ENOX2: variants seen among roughly 807,000 people sequenced by gnomAD.
The protein encoded by ENOX2 is APK1 antigen.
In ENOX2, 36 loss-of-function variants were observed where a neutral mutation model predicts 45.0. The observed-to-expected ratio is 0.80, with a 90% CI of 0.61 to 1.06. The LOEUF (loss-of-function observed/expected upper bound fraction) is 1.06, where lower values mean the gene tolerates loss of function less well. ENOX2 is among the 50% of genes least tolerant of loss of function. The pLI is 0.00. For missense variants in ENOX2, 423 were observed against 462.5 expected, an observed-to-expected ratio of 0.91 and a Z score of 0.78; for synonymous variants, 174 against 152.3, an observed-to-expected ratio of 1.14 and a Z score of -1.05.
rs2016900 is a variant in ENOX2 at position 130,740,270 on chromosome X, G to A, written c.-38-37016C>T. ...ATAAAAAACAGCTGGGCAAGGTGAC[G>A]CACACCTGTAATCCCAGCTACTCGG... On this transcript the variant is annotated intron_variant, in intron 3 of 14. Transcript: ENST00000394363. 2.0e-3 allele frequency among the ~76,000 whole-genome samples: 227 copies of A among 110,809 alleles called. 2 individuals carry two copies. The highest frequency in any genetic ancestry group is 0.01 in the East Asian group (36 of 3,511).
intron 10 of ENOX2, among the ~76,000 whole-genome samples, chrX:130,647,747 T>C (rs2036276791): frequency 9.0e-6 from 1 of 111,478 alleles, no homozygotes; most frequent in South Asian, 3.8e-4. Context: ...GCTAGTTCTA[T>C]GGTCAGAATT....
At chrX:130,692,494 A>G (rs1405261625) in intron 4 of ENOX2, among the ~76,000 whole-genome samples, 2 of 112,338 alleles carry the variant, frequency 1.8e-5, no homozygotes, top group African/African-American at 6.5e-5. Flanking sequence ...CGTCTCTTCT[A>G]ACACCATTTC....
chrX:130,785,940 G>A (rs756363214), intron 2 of ENOX2, among the ~76,000 whole-genome samples: 6 of 112,656 alleles, frequency 5.3e-5, no homozygotes, highest in Non-Finnish European at 1.1e-4. Context: ...GTAAAAGAGA[G>A]TGATAACACA....
intron 2 of ENOX2, among the ~76,000 whole-genome samples, chrX:130,807,613 T>C (rs907835413): frequency 8.9e-6 from 1 of 111,829 alleles, no homozygotes; most frequent in African/African-American, 3.2e-5. Flanking sequence ...ATTCTCTCTA[T>C]AGGTGCCATC....
chrX:130,667,642 C>A lies in ENOX2; in HGVS notation c.795G>T (p.Gln265His). The change falls in exon 8 of 15, where the codon CAG becomes CAT. Residue 265 changes from glutamine (Q) to histidine (H), a missense_variant. By Grantham distance (24) the Gln-to-His change is conservative. Transcript: ENST00000394363. ...RSANNFYSMI[Q>H]SANSHVRRLV... ...GGCGGCGGACATGGCTGTTGGCCGA[C>A]TGGATCATGGAGTAGAAGTTATTGG... 5.0e-6 allele frequency: 6 copies of A among 1,211,474 alleles called. No individual in the cohort carries two copies. The highest frequency in any genetic ancestry group is 5.6e-6 in the Non-Finnish European group (5 of 895,014).
rs138104463 is a variant in ENOX2 at position 130,868,092 on chromosome X, A to T, written c.-183+33592T>A. Among the ~76,000 whole-genome samples, 28 of 111,857 alleles carry T rather than the reference A, an allele frequency of 2.5e-4. No individual in the cohort carries two copies. The East Asian group carries it at 7.8e-3, about 31-fold the overall frequency. On this transcript the variant is annotated intron_variant, in intron 2 of 14. Transcript: ENST00000394363. ...CTTTTTTTCTTAACTGTGAGTGTGC[A>T]GCAGTAAAGAATACAATTACTTGGA... is the stretch of plus-strand genomic sequence containing the variant.
intron 6 of ENOX2, 107 bp downstream of exon 6, chrX:130,679,435 G>A (rs1010290758): frequency 3.6e-5 from 22 of 610,131 alleles, no homozygotes; most frequent in Admixed American, 3.6e-4. Flanking sequence ...CTGAAGGCAA[G>A]AGCAGGTAAT....
intron 4 of ENOX2, among the ~76,000 whole-genome samples, chrX:130,691,549 C>T (rs1269395382): frequency 2.7e-5 from 3 of 112,055 alleles, no homozygotes; most frequent in African/African-American, 6.5e-5. Context: ...TTTATGTCTT[C>T]GGAAAATTTG....
chrX:130,663,174 A>T (rs1440001605), intron 9 of ENOX2, among the ~76,000 whole-genome samples: 1 of 112,494 alleles, frequency 8.9e-6, no homozygotes, highest in Non-Finnish European at 1.9e-5. Flanking sequence ...TCAACCTAAT[A>T]ACTACACAGA....
At chrX:130,817,636 T>C (rs1015990713) in intron 2 of ENOX2, among the ~76,000 whole-genome samples, 4 of 112,033 alleles carry the variant, frequency 3.6e-5, no homozygotes, top group Non-Finnish European at 7.5e-5. Flanking sequence ...ATAAATGTAA[T>C]CCATCACATA....
At chrX:130,759,787 T>C (rs1178546655) in intron 3 of ENOX2, among the ~76,000 whole-genome samples, 2 of 109,757 alleles carry the variant, frequency 1.8e-5, no homozygotes, top group Non-Finnish European at 3.8e-5. Flanking sequence ...TTAGCTCTTA[T>C]AGGACTTGTG....
At chrX:130,730,175 C>G (rs2038703587) in intron 3 of ENOX2, among the ~76,000 whole-genome samples, 1 of 112,236 alleles carries the variant, frequency 8.9e-6, no homozygotes, top group South Asian at 3.7e-4. Flanking sequence ...TGTATATACA[C>G]AGAGGGATCA....
chrX:130,849,759 G>T (rs1262808359), intron 2 of ENOX2, among the ~76,000 whole-genome samples: 2 of 111,743 alleles, frequency 1.8e-5, no homozygotes, highest in Admixed American at 1.9e-4. Flanking sequence ...ACCTTTTTAG[G>T]CCTATCTTAT....
intron 2 of ENOX2, among the ~76,000 whole-genome samples, chrX:130,891,490 G>GTTTT (rs140444679): frequency 2.2e-5 from 1 of 44,567 alleles, no homozygotes; most frequent in Non-Finnish European, 3.7e-5. Flanking sequence ...ACACTATATG[G>GTTTT]TTTTTTTTTT....
intron 3 of ENOX2, among the ~76,000 whole-genome samples, chrX:130,761,919 T>C (rs1224388497): frequency 9.0e-6 from 1 of 111,673 alleles, no homozygotes; most frequent in Non-Finnish European, 1.9e-5. Flanking sequence ...TTTGTACTGA[T>C]AGCCTCTGTT....
intron 3 of ENOX2, among the ~76,000 whole-genome samples, chrX:130,782,349 A>G (rs1275927717): frequency 1.8e-5 from 2 of 111,678 alleles, no homozygotes; most frequent in East Asian, 5.6e-4. Flanking sequence ...TTACAGCTGA[A>G]GAAAGTGACT....
chrX:130,841,746 C>T (rs1169021819), intron 2 of ENOX2, among the ~76,000 whole-genome samples: 1 of 112,062 alleles, frequency 8.9e-6, no homozygotes, highest in Admixed American at 9.5e-5. Flanking sequence ...AAAGCAGGGC[C>T]TTCTATGGGA....
chrX:130,667,757 T>C lies in ENOX2; in HGVS notation c.695-15A>G. The C allele has an allele frequency of 2.6e-6, 3 of 1,154,685 alleles. No homozygotes were observed. Among genetic ancestry groups the C allele is most frequent in the Non-Finnish European group, 3.5e-6 (3 of 849,174 alleles). ...TTTGGAATCATCTGAAAAAAATATATTTTTATAACCAACAAAGGTAACCAA... is the reference window on the plus strand; with the variant it reads ...TTTGGAATCATCTGAAAAAAATATACTTTTATAACCAACAAAGGTAACCAA... On this transcript the variant is annotated splice_polypyrimidine_tract_variant and intron_variant, in intron 7 of 14. Transcript: ENST00000394363.
intron 3 of ENOX2, among the ~76,000 whole-genome samples, chrX:130,769,922 T>C (rs2039700065): frequency 8.9e-6 from 1 of 112,231 alleles, no homozygotes; most frequent in Admixed American, 9.4e-5. Context: ...TGGATAGAAA[T>C]TTAAGATGTT....
Sources: allele counts gnomAD v4.1 joint callset (sites outside exome capture counted in the v4.1 genomes callset), GRCh38; gene constraint gnomAD v4.1.1; transcripts MANE v1.5; gene names NCBI Gene and HGNC (gene_info 2026-07-23, HGNC 2026-07-21).